Variants in CCS observed in about 807,000 individuals in gnomAD.
The protein encoded by CCS is copper chaperone for superoxide dismutase.
Under a neutral mutation model 35.5 loss-of-function variants are expected in CCS, and 32 were observed. The ratio of observed to expected loss-of-function variants is 0.90; its 90% CI spans 0.68 to 1.21. CCS has a LOEUF of 1.21. CCS is among the 50% of genes most tolerant of loss of function. The probability of loss-of-function intolerance (pLI) is 0.00; values close to 1 mark genes in which losing one functional copy is unlikely to be tolerated. For missense variants in CCS, 342 were observed against 375.4 expected, an observed-to-expected ratio of 0.91 and a Z score of 0.73; for synonymous variants, 130 against 147.2, an observed-to-expected ratio of 0.88 and a Z score of 0.84.
chr11:66,603,822 G>A (rs1294094941), intron 5 of CCS, among the ~76,000 whole-genome samples: 1 of 151,962 alleles, frequency 6.6e-6, no homozygotes, highest in Non-Finnish European at 1.5e-5. Flanking sequence ...CTCCAGCCTG[G>A]GCGACAGAGC....
rs1858557753 is a variant in CCS at position 66,600,550 on chromosome 11, G to A, written c.489+1G>A. The stretch of plus-strand genomic sequence containing the variant: ...TGGGGGCCCCCAGGACTCTGACCGG[G>A]TAAGTGTCTGTCTGGGTTTGGGCTT... On this transcript the variant is annotated splice_donor_variant, in intron 5 of 7. Coordinates refer to ENST00000533244, the MANE Select transcript of CCS (RefSeq NM_005125.2). LOFTEE classifies it high-confidence loss of function. 1 of 1,509,922 alleles carries A rather than the reference G, an allele frequency of 6.6e-7. No individual in the cohort carries two copies. Among genetic ancestry groups the A allele is most frequent in the Non-Finnish European group, 8.9e-7 (1 of 1,120,318 alleles). The allele number at this position is 1,509,922 out of a possible 1,614,324, so 93.5% of individuals were successfully genotyped here. A position where few individuals can be genotyped will look rare whatever the true frequency, so the allele number is the denominator to read the frequency against.
rs1191390592 is a variant in CCS at position 66,601,090 on chromosome 11, G to GT, written c.489+548dup. On this transcript the variant is annotated intron_variant, in intron 5 of 7. Coordinates refer to ENST00000533244, the MANE Select transcript of CCS (RefSeq NM_005125.2). ...GTATTTTTAGTTACTCAATCATTTG[G>GT]TTTTTTTATTTTATTTTCTGAGATG... 2.6e-5 allele frequency among the ~76,000 whole-genome samples: 4 copies of GT among 152,126 alleles called. No individual in the cohort carries two copies. In the South Asian group the frequency reaches 6.2e-4, roughly 24 times the overall value.
At chr11:66,604,540 C>A (rs916263654) in intron 5 of CCS, among the ~76,000 whole-genome samples, 2 of 152,190 alleles carry the variant, frequency 1.3e-5, no homozygotes, top group Non-Finnish European at 2.9e-5. Flanking sequence ...ATGTGGGTTT[C>A]TGTGGCTCAC....
chr11:66,598,085 A>G (rs796794787), intron 2 of CCS, among the ~76,000 whole-genome samples: 20 of 147,856 alleles, frequency 1.4e-4, no homozygotes, highest in African/African-American at 4.9e-4. Flanking sequence ...CTCTGTCTCA[A>G]AAAAAAAAAA....
chr11:66,599,182 AG>A lies in CCS; in HGVS notation c.181del (p.Glu61ArgfsTer48), dbSNP rs766499383. On this transcript the variant is annotated frameshift_variant, in exon 3 of 8. Coordinates refer to ENST00000533244, the MANE Select transcript of CCS (RefSeq NM_005125.2). LOFTEE classifies it high-confidence loss of function. Reference protein sequence around the residue: ...MVLVHTTLPSQEVQALLEGTG... With the variant: ...MVLVHTTLPSXEVQALLEGTG... ...TTGGTACACACCACTCTACCCAGCC[AG>A]GAGGTGCAGGCTCTCCTGGAAGGCA... 151 of 1,613,960 alleles carry A rather than the reference AG, an allele frequency of 9.4e-5. No individual in the cohort carries two copies. The highest frequency in any genetic ancestry group is 1.2e-4 in the Non-Finnish European group (143 of 1,180,002).
At chr11:66,599,382 T>A in intron 3 of CCS, 77 bp from the exon 4 acceptor site, 1 of 1,487,886 alleles carries the variant, frequency 6.7e-7, no homozygotes, top group Non-Finnish European at 9.0e-7. Flanking sequence ...TATGTGAGAC[T>A]CCCTGCCCTT....
chr11:66,599,688 C>A (rs753677050), intron 4 of CCS, 52 bp downstream of exon 4: 29 of 1,536,144 alleles, frequency 1.9e-5, no homozygotes, highest in Non-Finnish European at 2.5e-5. Flanking sequence ...CATTTTCACA[C>A]TGGGCCCTCA....
At chr11:66,605,226 G>T in intron 5 of CCS, 113 bp from the exon 6 acceptor site, 1 of 1,554,828 alleles carries the variant, frequency 6.4e-7, no homozygotes. Context: ...CCCACAGGAG[G>T]AAATGGGTAC....
At chr11:66,600,323 A>ATGTC in intron 4 of CCS, 166 bp from the exon 5 acceptor site, 1 of 428,224 alleles carries the variant, frequency 2.3e-6, no homozygotes, top group Non-Finnish European at 4.2e-6. Context: ...GACAGGACCC[A>ATGTC]TGTCTGATTC....
Position 66,605,472 on chromosome 11 carries a change from G to C in CCS, c.568-17G>C. 1.2e-6 allele frequency: 2 copies of C among 1,613,650 alleles called. No individual in the cohort carries two copies. The highest frequency in any genetic ancestry group is 1.7e-6 in the Non-Finnish European group (2 of 1,179,596). ...CTAACAGGGTCCATCATCTGAAGCT[G>C]TCGTCTCCCCTCAAAGGTGTGGGAT... On this transcript the variant is annotated splice_polypyrimidine_tract_variant and intron_variant, in intron 6 of 7. Transcript: ENST00000533244.
rs371683431 is a variant in CCS at position 66,593,764 on chromosome 11, G to A, written c.112+50G>A. ...CAGACAGTCCAGAAGCCTCTGGGAG[G>A]GACCAGGCGAATCTATTAGGCGAAC... On this transcript the variant is annotated intron_variant, in intron 2 of 7. Transcript: ENST00000533244. 5.8e-6 allele frequency: 9 copies of A among 1,548,866 alleles called. No individual in the cohort carries two copies. In the African/African-American group the frequency reaches 1.2e-4, roughly 21 times the overall value.
In CCS at chr11:66,593,281, AC is replaced by A. The variant is rs1167431997; in HGVS notation, c.22del (p.Gln8ArgfsTer13). On this transcript the variant is annotated frameshift_variant, in exon 1 of 8. Coordinates refer to ENST00000533244, the MANE Select transcript of CCS (RefSeq NM_005125.2). LOFTEE classifies it high-confidence loss of function. MASDSG[N>X]QGTLCTLEFA... The stretch of plus-strand genomic sequence containing the variant: ...TCCAGAATGGCTTCGGATTCGGGGA[AC>A]CAGGGGACCCTCTGCACGGTGAGGG... 3.9e-6 allele frequency: 6 copies of A among 1,557,382 alleles called. No homozygotes were observed. In the Admixed American group the frequency reaches 1.2e-4, roughly 31 times the overall value.
intron 2 of CCS, among the ~76,000 whole-genome samples, chr11:66,595,803 G>C (rs1239308569): frequency 3.3e-5 from 5 of 152,204 alleles, no homozygotes; most frequent in Admixed American, 6.5e-5. Context: ...CCTCCCTCTT[G>C]GTTTAGACTC....
chr11:66,603,256 C>T (rs1433044429), intron 5 of CCS, among the ~76,000 whole-genome samples: 1 of 152,248 alleles, frequency 6.6e-6, no homozygotes, highest in Non-Finnish European at 1.5e-5. Context: ...TCCAGCCACA[C>T]TGTCCAGGCT....
intron 2 of CCS, among the ~76,000 whole-genome samples, chr11:66,597,608 C>T (rs569722834): frequency 1.5e-4 from 21 of 144,000 alleles, no homozygotes; most frequent in Non-Finnish European, 2.6e-4. Flanking sequence ...AAAAATTAGC[C>T]GGGCTTGGTG....
intron 5 of CCS, among the ~76,000 whole-genome samples, chr11:66,602,385 C>T (rs936553973): frequency 3.3e-5 from 5 of 152,160 alleles, no homozygotes; most frequent in African/African-American, 7.2e-5. Flanking sequence ...CAGTTCTTTG[C>T]CACATGGGTC....
intron 2 of CCS, among the ~76,000 whole-genome samples, chr11:66,598,061 G>A (rs564203701): frequency 6.6e-6 from 1 of 151,628 alleles, no homozygotes; most frequent in Non-Finnish European, 1.5e-5. Flanking sequence ...TCCAGCCTGG[G>A]TGACACAGCG....
At position 66,593,668 on chromosome 11, in the gene CCS, T is replaced by C; in HGVS notation, c.66T>C (p.Cys22=). Reference sequence around the variant, plus strand: ...TGGAGTTCGCGGTGCAGATGACCTGTCAGAGCTGTGTGGACGCGGTGCGCA... The same window carrying C: ...TGGAGTTCGCGGTGCAGATGACCTGCCAGAGCTGTGTGGACGCGGTGCGCA... The part of the protein sequence containing the change: ...CTLEFAVQMT[C]QSCVDAVRKS... Residue 22 remains cysteine (C), a synonymous_variant, in exon 2 of 8, where the codon TGT becomes TGC. Transcript: ENST00000533244. The C allele has an allele frequency of 6.2e-7, 1 of 1,614,084 alleles. No homozygotes were observed. The highest frequency in any genetic ancestry group is 8.5e-7 in the Non-Finnish European group (1 of 1,180,032).
rs778751146 is a variant in CCS, at chr11:66,599,171, T to G, written c.168T>G (p.Thr56=). 1 of 1,614,086 alleles carries G rather than the reference T, an allele frequency of 6.2e-7. No individual in the cohort carries two copies. The highest frequency in any genetic ancestry group is 1.1e-5 in the South Asian group (1 of 91,080). The part of the protein sequence containing the change: ...LEDQMVLVHT[T]LPSQEVQALL... ...ACCAGATGGTCTTGGTACACACCAC[T>G]CTACCCAGCCAGGAGGTGCAGGCTC... The change falls in exon 3 of 8, where the codon ACT becomes ACG. Residue 56 remains threonine, a synonymous_variant. Coordinates refer to ENST00000533244, the MANE Select transcript of CCS (RefSeq NM_005125.2).
Sources: gnomAD v4.1 joint callset for allele counts (sites outside exome capture counted in the v4.1 genomes callset) on GRCh38, gnomAD v4.1.1 for gene constraint, MANE v1.5 for transcripts, NCBI Gene and HGNC (gene_info 2026-07-23, HGNC 2026-07-21) for gene names.